The following UBA6 variants were observed in gnomAD, a reference collection of about 807,000 sequenced individuals.
UBA6 encodes ubiquitin like modifier activating enzyme 6, also known as ubiquitin-like modifier-activating enzyme 6.
UBA6 carries 87 observed loss-of-function variants against 148.3 expected under a neutral mutation model. That is an observed-to-expected ratio of 0.59 (90% CI 0.49 to 0.70). The LOEUF is 0.70. UBA6 is among the 30% of genes least tolerant of loss of function. The pLI is 0.00. For missense variants in UBA6, 1,186 were observed against 1,241.2 expected, an observed-to-expected ratio of 0.96 and a Z score of 0.67; for synonymous variants, 376 against 401.0, an observed-to-expected ratio of 0.94 and a Z score of 0.75.
At chr4:67,641,260 T>A in intron 17 of UBA6, 32 bp from the exon 18 acceptor site, 1 of 1,247,812 alleles carries the variant, frequency 8.0e-7, no homozygotes. Flanking sequence ...TGAAATTACA[T>A]AATGGATACC....
At chr4:67,673,821 A>AT (rs112890671) in intron 6 of UBA6, 44 bp from the exon 7 acceptor site, 1 of 1,370,398 alleles carries the variant, frequency 7.3e-7, no homozygotes, top group East Asian at 2.3e-5. Flanking sequence ...ATACATAATT[A>AT]TTTTTTGTAG....
At chr4:67,675,534 C>T (rs1228278798) in intron 6 of UBA6, among the ~76,000 whole-genome samples, 1 of 152,108 alleles carries the variant, frequency 6.6e-6, no homozygotes, top group Non-Finnish European at 1.5e-5. Context: ...AGTTCGAGAC[C>T]AGCCTGGCCA....
At chr4:67,622,059 G>A (rs1413575194) in intron 32 of UBA6, among the ~76,000 whole-genome samples, 2 of 152,174 alleles carry the variant, frequency 1.3e-5, no homozygotes, top group Non-Finnish European at 2.9e-5. Context: ...TCCCATGCTG[G>A]AGCATGATTA....
At chr4:67,633,760 A>G (rs1431179316) in intron 22 of UBA6, among the ~76,000 whole-genome samples, 1 of 152,146 alleles carries the variant, frequency 6.6e-6, no homozygotes, top group East Asian at 1.9e-4. Flanking sequence ...TAATATATGT[A>G]CTCACTATAA....
intron 9 of UBA6, among the ~76,000 whole-genome samples, chr4:67,667,154 G>A (rs573440931): frequency 2.6e-5 from 4 of 151,452 alleles, no homozygotes; most frequent in Admixed American, 6.6e-5. Flanking sequence ...ACCACAACAT[G>A]GACCCCGAAA....
At chr4:67,661,389 G>C (rs1016811139) in intron 13 of UBA6, among the ~76,000 whole-genome samples, 19 of 152,134 alleles carry the variant, frequency 1.2e-4, no homozygotes, top group Non-Finnish European at 2.4e-4. Context: ...AGTCTCATGA[G>C]ATCTGATGGT....
chr4:67,624,076 A>G (rs1728810765), intron 30 of UBA6, 50 bp downstream of exon 30: 1 of 1,428,794 alleles, frequency 7.0e-7, no homozygotes, highest in Admixed American at 2.5e-5. Context: ...AAAAGGTAAA[A>G]TATTTTATTT....
chr4:67,686,528 T>A (rs2109954625), intron 2 of UBA6, among the ~76,000 whole-genome samples: 1 of 152,102 alleles, frequency 6.6e-6, no homozygotes, highest in Admixed American at 6.5e-5. Flanking sequence ...ACATATTAAA[T>A]AAAATATGTA....
At position 67,633,475 on chromosome 4, in the gene UBA6, T is replaced by C. The variant is rs1404295351; in HGVS notation, c.2014-2A>G. On this transcript the variant is annotated splice_acceptor_variant, in intron 22 of 32. Coordinates refer to ENST00000322244, the MANE Select transcript of UBA6 (RefSeq NM_018227.6). LOFTEE classifies it high-confidence loss of function. ...TAAACTGTGTCCACTCTGTATCTTC[T>C]AGAATGGGAGAGAAAAAAAAAATCA... 2.5e-6 allele frequency: 4 copies of C among 1,580,454 alleles called. No homozygotes were observed. Among genetic ancestry groups the C allele is most frequent in the Admixed American group, 2.0e-5 (1 of 50,620 alleles).
chr4:67,631,870 T>TC lies in UBA6; in HGVS notation c.2180dup (p.Leu728IlefsTer21), dbSNP rs758049339. 1.2e-6 allele frequency: 2 copies of TC among 1,612,368 alleles called. No individual in the cohort carries two copies. The highest frequency in any genetic ancestry group is 1.7e-6 in the Non-Finnish European group (2 of 1,179,212). On this transcript the variant is annotated frameshift_variant, in exon 24 of 33. Coordinates refer to ENST00000322244, the MANE Select transcript of UBA6 (RefSeq NM_018227.6). LOFTEE classifies it high-confidence loss of function. ...ATTTATACTTACTGCCATCTTTTAATCGTATGTCCAGAGGGAAACAGTGAA... is the reference window on the plus strand; with the variant it reads ...ATTTATACTTACTGCCATCTTTTAATCCGTATGTCCAGAGGGAAACAGTGAA...
chr4:67,685,214 G>A (rs12503760), intron 2 of UBA6, among the ~76,000 whole-genome samples: 2,955 of 152,110 alleles, frequency 0.019, 71 homozygotes, highest in East Asian at 0.1. Flanking sequence ...TAAATAACAC[G>A]TGTATACTTT....
intron 26 of UBA6, 91 bp downstream of exon 26, chr4:67,630,375 C>T (rs776995249): frequency 2.1e-5 from 18 of 842,132 alleles, no homozygotes; most frequent in African/African-American, 3.6e-5. Flanking sequence ...ATTCTTATAA[C>T]AAACAAACAT....
At position 67,673,397 on chromosome 4, in the gene UBA6, T is replaced by C. The variant is rs529658179; in HGVS notation, c.546+300A>G. Among the ~76,000 whole-genome samples the C allele has an allele frequency of 4.2e-4, 56 of 131,938 alleles. 1 individual carries two copies. The South Asian group carries it at 0.013, about 29-fold the overall frequency. 86.6% of individuals were successfully genotyped at this position (131,938 alleles called of 152,430 possible). On this transcript the variant is annotated intron_variant, in intron 7 of 32. Coordinates refer to ENST00000322244, the MANE Select transcript of UBA6 (RefSeq NM_018227.6). Reference sequence around the variant, plus strand: ...TGTCACTGCACTCCAGCCTGGGCGATAGAATGAGACTCTGTCTCGGGAAAA... The same window carrying C: ...TGTCACTGCACTCCAGCCTGGGCGACAGAATGAGACTCTGTCTCGGGAAAA...
chr4:67,630,037 G>C (rs1258535147), intron 26 of UBA6, among the ~76,000 whole-genome samples: 1 of 152,052 alleles, frequency 6.6e-6, no homozygotes, highest in Non-Finnish European at 1.5e-5. Context: ...CAATATAAGG[G>C]AGCATTTTCA....
At position 67,618,838 on chromosome 4, in the gene UBA6, A is replaced by G. The variant is rs1728687391; in HGVS notation, c.*159T>C. On this transcript the variant is annotated 3_prime_UTR_variant, in exon 33 of 33. Transcript: ENST00000322244. ...TGTATGCTATGCCCCAAAATGTTTT[A>G]TAATTCTTCAGTGCAGTTTCTTACT... 1.5e-6 allele frequency: 1 copy of G among 683,942 alleles called. No individual in the cohort carries two copies. Among genetic ancestry groups the G allele is most frequent in the Admixed American group, 3.3e-5 (1 of 30,044 alleles). 42.4% of individuals were successfully genotyped at this position (683,942 alleles called of 1,614,324 possible). A position where few individuals can be genotyped will look rare whatever the true frequency, so the allele number is the denominator to read the frequency against.
intron 13 of UBA6, among the ~76,000 whole-genome samples, chr4:67,650,685 A>G (rs1729532457): frequency 6.6e-6 from 1 of 152,152 alleles, no homozygotes; most frequent in Non-Finnish European, 1.5e-5. Flanking sequence ...TCGGACAGAG[A>G]GCAGAAAATA....
chr4:67,668,257 T>G (rs1730057031), intron 9 of UBA6, among the ~76,000 whole-genome samples: 1 of 152,208 alleles, frequency 6.6e-6, no homozygotes, highest in Non-Finnish European at 1.5e-5. Context: ...AAATGATCTT[T>G]TTTCAATACC....
intron 9 of UBA6, among the ~76,000 whole-genome samples, chr4:67,666,820 A>T (rs1185752930): frequency 6.6e-6 from 1 of 152,168 alleles, no homozygotes; most frequent in Non-Finnish European, 1.5e-5. Context: ...GGCTGCAGTG[A>T]GCCATGATCA....
In UBA6 at chr4:67,658,629, C is replaced by T. The variant is rs138477207; in HGVS notation, c.1104+3560G>A. 4.6e-3 allele frequency among the ~76,000 whole-genome samples: 697 copies of T among 151,962 alleles called. 20 individuals carry two copies. The highest frequency in any genetic ancestry group is 0.039 in the Admixed American group (593 of 15,260). On this transcript the variant is annotated intron_variant, in intron 13 of 32. Coordinates refer to ENST00000322244, the MANE Select transcript of UBA6 (RefSeq NM_018227.6). ...TGATGAAATAATATGTATGACAAAC[C>T]CCCATGATGCAAATTTACCTATATA...
Sources: gnomAD v4.1 joint callset for allele counts (sites outside exome capture counted in the v4.1 genomes callset) on GRCh38, gnomAD v4.1.1 for gene constraint, MANE v1.5 for transcripts, NCBI Gene and HGNC (gene_info 2026-07-23, HGNC 2026-07-21) for gene names.